The following IMMP1L variants were observed in gnomAD, a reference collection of about 807,000 sequenced individuals.
IMMP1L encodes mitochondrial inner membrane protease subunit 1.
Under a neutral mutation model 21.8 loss-of-function variants are expected in IMMP1L, and 24 were observed. The observed-to-expected ratio is 1.10, with a 90% CI of 0.80 to 1.55. The LOEUF is 1.55. Among genes scored for constraint, IMMP1L ranks in the 40% most tolerant of loss-of-function variants. The pLI, the probability that IMMP1L is intolerant of heterozygous loss-of-function variation, is 0.00. For missense variants in IMMP1L, 195 were observed against 200.7 expected, an observed-to-expected ratio of 0.97 and a Z score of 0.17; for synonymous variants, 46 against 62.8, an observed-to-expected ratio of 0.73 and a Z score of 1.26.
intron 1 of IMMP1L, among the ~76,000 whole-genome samples, chr11:31,467,886 T>C (rs1267340151): frequency 6.6e-6 from 1 of 151,944 alleles, no homozygotes; most frequent in Admixed American, 6.6e-5. Context: ...ACTGATATCA[T>C]GTGGCCTCTT....
intron 3 of IMMP1L, among the ~76,000 whole-genome samples, chr11:31,459,855 A>G (rs1179652452): frequency 6.6e-6 from 1 of 152,144 alleles, no homozygotes. Context: ...ACAATGATGT[A>G]ATCTAAAAAT....
intron 1 of IMMP1L, among the ~76,000 whole-genome samples, chr11:31,490,702 T>C (rs1955226176): frequency 6.6e-6 from 1 of 151,890 alleles, no homozygotes; most frequent in African/African-American, 2.4e-5. Flanking sequence ...GAGACTATAG[T>C]GAGTTGAGAA....
At chr11:31,477,425 A>T in intron 1 of IMMP1L, 1 of 463,062 alleles carries the variant, frequency 2.2e-6, no homozygotes, top group South Asian at 9.3e-5. Flanking sequence ...TATGTCTTGC[A>T]TAATTTTAAG....
intron 4 of IMMP1L, among the ~76,000 whole-genome samples, chr11:31,454,801 A>G (rs1953885945): frequency 6.6e-6 from 1 of 152,182 alleles, no homozygotes; most frequent in Non-Finnish European, 1.5e-5. Flanking sequence ...ATCAACAACA[A>G]TGATATGGCA....
chr11:31,467,671 T>C (rs1353784830), intron 1 of IMMP1L, among the ~76,000 whole-genome samples: 1 of 151,996 alleles, frequency 6.6e-6, no homozygotes, highest in East Asian at 1.9e-4. Context: ...ATGGTAAAAT[T>C]ACCACCAGTG....
chr11:31,479,316 T>A (rs764939636), intron 1 of IMMP1L, among the ~76,000 whole-genome samples: 27 of 152,042 alleles, frequency 1.8e-4, no homozygotes, highest in Non-Finnish European at 2.5e-4. Context: ...ATCTGTACAA[T>A]GTCTGATAAG....
Position 31,445,711 on chromosome 11 carries a change from G to A in IMMP1L, c.321+10549C>T, listed in dbSNP as rs555243023. 5.4e-5 allele frequency among the ~76,000 whole-genome samples: 8 copies of A among 148,550 alleles called. No individual in the cohort carries two copies. In the East Asian group the frequency reaches 1.6e-3, roughly 29 times the overall value. The stretch of plus-strand genomic sequence containing the variant: ...TGAATACAAAATTGCAAATTAGGCA[G>A]GTGGATGACAGATGAATTTTTTTTT... On this transcript the variant is annotated intron_variant, in intron 4 of 5. Transcript: ENST00000532287.
intron 4 of IMMP1L, among the ~76,000 whole-genome samples, chr11:31,438,323 A>G (rs985049714): frequency 1.3e-5 from 2 of 152,184 alleles, no homozygotes; most frequent in Admixed American, 1.3e-4. Flanking sequence ...TCCATTATGC[A>G]TACTAGTATT....
intron 3 of IMMP1L, among the ~76,000 whole-genome samples, chr11:31,457,313 T>C (rs1953980800): frequency 6.6e-6 from 1 of 151,942 alleles, no homozygotes; most frequent in Non-Finnish European, 1.5e-5. Flanking sequence ...TATCTGGTAA[T>C]AAAAAATAAG....
chr11:31,433,291 TGGG>T (rs924760135), intron 5 of IMMP1L, among the ~76,000 whole-genome samples, 166 bp downstream of exon 5: 4 of 152,204 alleles, frequency 2.6e-5, no homozygotes, highest in African/African-American at 7.2e-5. Flanking sequence ...GCAGGGGCAA[TGGG>T]GGAATAGGTT....
chr11:31,474,878 A>G (rs1447276580), intron 1 of IMMP1L, among the ~76,000 whole-genome samples: 2 of 152,158 alleles, frequency 1.3e-5, no homozygotes, highest in Admixed American at 1.3e-4. Flanking sequence ...TGCGATTCCT[A>G]TGATTCTCAT....
At chr11:31,501,174 T>C (rs1331146201) in intron 1 of IMMP1L, among the ~76,000 whole-genome samples, 2 of 152,232 alleles carry the variant, frequency 1.3e-5, no homozygotes, top group Non-Finnish European at 2.9e-5. Context: ...TTCATCTGGG[T>C]ATTACAATAG....
intron 1 of IMMP1L, among the ~76,000 whole-genome samples, chr11:31,492,887 G>A (rs1448013449): frequency 6.6e-6 from 1 of 152,098 alleles, no homozygotes. Context: ...CCTGATCACA[G>A]ATAACCATCA....
chr11:31,481,490 C>G (rs944132531), intron 1 of IMMP1L, among the ~76,000 whole-genome samples: 1 of 151,758 alleles, frequency 6.6e-6, no homozygotes, highest in Non-Finnish European at 1.5e-5. Context: ...CAAAAAAACA[C>G]TTTTAAATAG....
intron 1 of IMMP1L, among the ~76,000 whole-genome samples, chr11:31,481,157 C>T (rs967739028): frequency 3.9e-5 from 6 of 152,072 alleles, no homozygotes; most frequent in Non-Finnish European, 7.4e-5. Flanking sequence ...GGTTTCTGTT[C>T]AGCAGATGAC....
At chr11:31,486,672 G>A (rs998480842) in intron 1 of IMMP1L, among the ~76,000 whole-genome samples, 1 of 151,820 alleles carries the variant, frequency 6.6e-6, no homozygotes, top group African/African-American at 2.4e-5. Context: ...ACAACTCAAT[G>A]ATCTACCAAC....
At chr11:31,449,538 T>C (rs2133598568) in intron 4 of IMMP1L, among the ~76,000 whole-genome samples, 1 of 152,314 alleles carries the variant, frequency 6.6e-6, no homozygotes, top group Non-Finnish European at 1.5e-5. Flanking sequence ...TACATTTCCA[T>C]TTTAATACAC....
intron 1 of IMMP1L, among the ~76,000 whole-genome samples, chr11:31,480,360 T>TA (rs1166306427): frequency 6.6e-6 from 1 of 152,026 alleles, no homozygotes; most frequent in African/African-American, 2.4e-5. Context: ...GAAATTCTTT[T>TA]AAAAAATCCT....
chr11:31,500,418 A>G (rs1955580624), intron 1 of IMMP1L, among the ~76,000 whole-genome samples: 1 of 152,320 alleles, frequency 6.6e-6, no homozygotes, highest in South Asian at 2.1e-4. Context: ...ATATAGAATT[A>G]AAAGAACAGA....
Sources: allele counts gnomAD v4.1 joint callset (sites outside exome capture counted in the v4.1 genomes callset), GRCh38; gene constraint gnomAD v4.1.1; transcripts MANE v1.5; gene names NCBI Gene and HGNC (gene_info 2026-07-23, HGNC 2026-07-21).